Variants in CNOT10 observed in about 807,000 individuals in gnomAD.
CNOT10 encodes CCR4-NOT transcription complex, subunit 10.
In CNOT10, 30 loss-of-function variants were observed where a neutral mutation model predicts 94.6. The ratio of observed to expected loss-of-function variants is 0.32; its 90% CI spans 0.24 to 0.43. The LOEUF (loss-of-function observed/expected upper bound fraction) is 0.43, where lower values mean the gene tolerates loss of function less well. Ranked by LOEUF, CNOT10 falls within the 20% of genes least tolerant of loss-of-function variation. The probability of loss-of-function intolerance (pLI) is 1.00; values close to 1 mark genes in which losing one functional copy is unlikely to be tolerated. For synonymous variants in CNOT10, 289 were observed against 301.6 expected (o/e 0.96, Z 0.43); for missense variants, 759 against 877.2 (o/e 0.87, Z 1.70).
At position 32,718,691 on chromosome 3, in the gene CNOT10, A is replaced by G. The variant is rs748322932; in HGVS notation, c.745-1423A>G. On this transcript the variant is annotated intron_variant, in intron 7 of 18. Transcript: ENST00000328834. Reference sequence around the variant, plus strand: ...GTCATCCTAAATCGGCGAAAACTTCAGGAGGAATAGCTACCACTAAGAATA... The same window carrying G: ...GTCATCCTAAATCGGCGAAAACTTCGGGAGGAATAGCTACCACTAAGAATA... 2.0e-5 allele frequency among the ~76,000 whole-genome samples: 3 copies of G among 152,156 alleles called. No individual in the cohort carries two copies. The South Asian group carries it at 6.2e-4, about 32-fold the overall frequency.
chr3:32,717,820 C>T (rs927276646), intron 7 of CNOT10, among the ~76,000 whole-genome samples: 13 of 152,050 alleles, frequency 8.5e-5, no homozygotes, highest in African/African-American at 2.4e-4. Context: ...GAGCTGAGAT[C>T]GTGTCATTTC....
chr3:32,769,845 A>G, intron 17 of CNOT10, 42 bp from the exon 18 acceptor site: 1 of 1,510,904 alleles, frequency 6.6e-7, no homozygotes, highest in Non-Finnish European at 9.2e-7. Context: ...GTGTATCTTA[A>G]GCTTTTGTTT....
chr3:32,763,565 G>A (rs575653297), intron 15 of CNOT10, among the ~76,000 whole-genome samples: 1 of 151,850 alleles, frequency 6.6e-6, no homozygotes, highest in Non-Finnish European at 1.5e-5. Context: ...CAGGAGAATC[G>A]CTTGCACCTG....
intron 10 of CNOT10, among the ~76,000 whole-genome samples, chr3:32,731,679 A>G (rs912591086): frequency 5.3e-5 from 8 of 152,034 alleles, no homozygotes; most frequent in African/African-American, 1.9e-4. Flanking sequence ...GTTTCACCAC[A>G]TTGCCCACAC....
At chr3:32,738,644 A>G (rs1021646004) in intron 13 of CNOT10, among the ~76,000 whole-genome samples, 5 of 151,756 alleles carry the variant, frequency 3.3e-5, no homozygotes, top group African/African-American at 1.2e-4. Flanking sequence ...TTGTATTTTT[A>G]GTAGAGACAG....
chr3:32,692,815 G>A (rs553448542), intron 1 of CNOT10, among the ~76,000 whole-genome samples: 1 of 152,288 alleles, frequency 6.6e-6, no homozygotes, highest in Admixed American at 6.5e-5. Flanking sequence ...GGAGGCCAAG[G>A]TAGGCAGATC....
Position 32,759,702 on chromosome 3 carries a change from GAACGTTTTTT to G in CNOT10, c.1709+135_1709+144del, listed in dbSNP as rs990220903. 7.2e-5 allele frequency: 51 copies of G among 709,274 alleles called. No homozygotes were observed. The African/African-American group carries it at 7.2e-4, about 10-fold the overall frequency. 43.9% of individuals were successfully genotyped at this position (709,274 alleles called of 1,614,324 possible). On this transcript the variant is annotated intron_variant, in intron 14 of 18. Transcript: ENST00000328834. ...TTGTAAGGAAAGCAACTGTTTAAAA[GAACGTTTTTT>G]AACCCATGCCTCGGCAGTGAAAATG...
rs1350856684 is a variant in CNOT10 at position 32,766,510 on chromosome 3, G to A, written c.2004+1701G>A. Among the ~76,000 whole-genome samples, 6 of 47,178 alleles carry A rather than the reference G, an allele frequency of 1.3e-4. 3 individuals carry two copies. Among genetic ancestry groups the A allele is most frequent in the Non-Finnish European group, 2.8e-4 (6 of 21,408 alleles). The allele number at this position is 47,178 out of a possible 152,430, so 31.0% of individuals were successfully genotyped here. A position where few individuals can be genotyped will look rare whatever the true frequency, so the allele number is the denominator to read the frequency against. On this transcript the variant is annotated intron_variant, in intron 17 of 18. Coordinates refer to ENST00000328834, the MANE Select transcript of CNOT10 (RefSeq NM_015442.3). ...TAGCCAGGCGTGGTGGCATGTGCCT[G>A]TAGTCCCAGCTACTCGGGCGGCTGA...
At chr3:32,685,583 G>A (rs1415082435) in intron 1 of CNOT10, 101 bp downstream of exon 1, 11 of 1,336,230 alleles carry the variant, frequency 8.2e-6, no homozygotes, top group Non-Finnish European at 1.1e-5. Flanking sequence ...ACTCCAGGGC[G>A]ACTTGAATTT....
At chr3:32,690,822 C>T (rs1696817607) in intron 1 of CNOT10, among the ~76,000 whole-genome samples, 1 of 151,914 alleles carries the variant, frequency 6.6e-6, no homozygotes. Context: ...GCTGGGATTA[C>T]AGGCATGAGC....
intron 7 of CNOT10, among the ~76,000 whole-genome samples, chr3:32,717,967 G>A (rs577887127): frequency 1.1e-4 from 16 of 152,176 alleles, no homozygotes; most frequent in African/African-American, 2.9e-4. Context: ...CAGTACCTTC[G>A]ATTTAACTGA....
chr3:32,722,888 G>T (rs1698487840), intron 8 of CNOT10, among the ~76,000 whole-genome samples: 1 of 152,068 alleles, frequency 6.6e-6, no homozygotes, highest in Admixed American at 6.6e-5. Context: ...GGATCCCAAA[G>T]TGCTGGAATT....
At chr3:32,686,561 T>C (rs540274209) in intron 1 of CNOT10, among the ~76,000 whole-genome samples, 1 of 152,234 alleles carries the variant, frequency 6.6e-6, no homozygotes, top group East Asian at 1.9e-4. Context: ...AAATTTTGGA[T>C]AGGTTGTTCA....
intron 4 of CNOT10, among the ~76,000 whole-genome samples, chr3:32,712,088 C>A (rs1697915913): frequency 6.6e-6 from 1 of 151,162 alleles, no homozygotes. Context: ...GGTCTTGTCT[C>A]TTGGCAGTCT....
intron 1 of CNOT10, among the ~76,000 whole-genome samples, chr3:32,699,027 C>T (rs1697209943): frequency 6.6e-6 from 1 of 152,178 alleles, no homozygotes; most frequent in Non-Finnish European, 1.5e-5. Flanking sequence ...CTCAAGTGAT[C>T]CACCCGCGTT....
chr3:32,708,567 A>G (rs1438202324), intron 3 of CNOT10, 103 bp from the exon 4 acceptor site: 5 of 942,360 alleles, frequency 5.3e-6, no homozygotes, highest in Non-Finnish European at 8.0e-6. Context: ...AAAATTCAGA[A>G]TAAGAATGTT....
intron 16 of CNOT10, 73 bp from the exon 17 acceptor site, chr3:32,764,609 A>G (rs1300307653): frequency 1.4e-5 from 23 of 1,604,226 alleles, no homozygotes; most frequent in Admixed American, 1.2e-4. Flanking sequence ...GTGGCTCCTC[A>G]AGGCGATAGA....
At chr3:32,737,176 G>A (rs767417004) in intron 12 of CNOT10, among the ~76,000 whole-genome samples, 5 of 152,106 alleles carry the variant, frequency 3.3e-5, no homozygotes, top group African/African-American at 7.2e-5. Context: ...TTAGCTGGGC[G>A]TGGTGGTGTG....
chr3:32,738,055 G>T (rs1291240747), intron 13 of CNOT10, among the ~76,000 whole-genome samples: 1 of 152,074 alleles, frequency 6.6e-6, no homozygotes, highest in Non-Finnish European at 1.5e-5. Context: ...TTGGTTTCAG[G>T]ATTATGCTGA....
Sources: gnomAD v4.1 joint callset for allele counts (sites outside exome capture counted in the v4.1 genomes callset) on GRCh38, gnomAD v4.1.1 for gene constraint, MANE v1.5 for transcripts, NCBI Gene and HGNC (gene_info 2026-07-23, HGNC 2026-07-21) for gene names.